Variants in FAXDC2 observed in about 807,000 individuals in gnomAD.
FAXDC2 encodes fatty acid hydroxylase domain-containing protein 2.
In FAXDC2, 41 loss-of-function variants were observed where a neutral mutation model predicts 40.9. The ratio of observed to expected loss-of-function variants is 1.00; its 90% CI spans 0.78 to 1.30. The LOEUF (loss-of-function observed/expected upper bound fraction) is 1.30, where lower values mean the gene tolerates loss of function less well. Among genes scored for constraint, FAXDC2 ranks in the 50% most tolerant of loss-of-function variants. FAXDC2 has a pLI of 0.00. For synonymous variants in FAXDC2, 157 were observed against 149.3 expected (o/e 1.05, Z -0.38); for missense variants, 390 against 408.8 (o/e 0.95, Z 0.40).
At position 154,834,742 on chromosome 5, in the gene FAXDC2, C is replaced by A. The variant is rs377184294; in HGVS notation, c.141-14G>T. ...CTCTGAAGATGCCTTGGAAAAAAAA[C>A]CAGGTTTCTGGGTGAAGACTAGTGG... On this transcript the variant is annotated splice_polypyrimidine_tract_variant and intron_variant, in intron 3 of 8. Coordinates refer to ENST00000326080, the MANE Select transcript of FAXDC2 (RefSeq NM_032385.5). The A allele has an allele frequency of 2.3e-5, 37 of 1,611,778 alleles. No individual in the cohort carries two copies. Among genetic ancestry groups the A allele is most frequent in the African/African-American group, 4.0e-5 (3 of 74,842 alleles).
In FAXDC2 at chr5:154,819,074, T is replaced by G. The variant is rs1295626642; in HGVS notation, c.*1242A>C. 1 of 152,244 alleles carries G rather than the reference T, an allele frequency of 6.6e-6. No individual in the cohort carries two copies. Among genetic ancestry groups the G allele is most frequent in the African/African-American group, 2.4e-5 (1 of 41,456 alleles). 9.4% of individuals were successfully genotyped at this position (152,244 alleles called of 1,614,324 possible). A position where few individuals can be genotyped will look rare whatever the true frequency, so the allele number is the denominator to read the frequency against. On this transcript the variant is annotated 3_prime_UTR_variant, in exon 9 of 9. Coordinates refer to ENST00000326080, the MANE Select transcript of FAXDC2 (RefSeq NM_032385.5). ...ATTTTGATAGTCCTGCCTGGAGACT[T>G]GGACCTAGCTGATACTAAGGTATTT...
chr5:154,820,585 C>T (rs763745932), intron 8 of FAXDC2, 113 bp from the exon 9 acceptor site: 18 of 803,454 alleles, frequency 2.2e-5, no homozygotes, highest in Middle Eastern at 2.5e-4. Context: ...ACACCTGTCA[C>T]CACCATCCTG....
intron 1 of FAXDC2, among the ~76,000 whole-genome samples, chr5:154,842,479 C>G (rs1422931786): frequency 7.0e-6 from 1 of 142,574 alleles, no homozygotes; most frequent in Non-Finnish European, 1.5e-5. Context: ...GCTGGGATTA[C>G]AGGCGTGAGC....
chr5:154,821,116 G>C, intron 8 of FAXDC2, 144 bp downstream of exon 8: 1 of 721,496 alleles, frequency 1.4e-6, no homozygotes, highest in Non-Finnish European at 2.4e-6. Flanking sequence ...GGTCATCCCA[G>C]TGTGGTTATT....
Position 154,830,784 on chromosome 5 carries a change from G to A in FAXDC2, c.366+17C>T. On this transcript the variant is annotated intron_variant, in intron 5 of 8. Coordinates refer to ENST00000326080, the MANE Select transcript of FAXDC2 (RefSeq NM_032385.5). The stretch of plus-strand genomic sequence containing the variant: ...CTTGCTTTCTGTGCTTTGACCAGAA[G>A]TTGCAACAACACTTACAGGTTCATT... The A allele has an allele frequency of 1.2e-6, 2 of 1,613,730 alleles. No homozygotes were observed. Among genetic ancestry groups the A allele is most frequent in the Non-Finnish European group, 1.7e-6 (2 of 1,179,660 alleles).
In FAXDC2 at chr5:154,824,453, G is replaced by C. The variant is rs1404825212; in HGVS notation, c.367-861C>G. The C allele has an allele frequency of 4.3e-6, 3 of 702,220 alleles. No homozygotes were observed. In the African/African-American group the frequency reaches 5.2e-5, roughly 12 times the overall value. The allele number at this position is 702,220 out of a possible 1,614,324, so 43.5% of individuals were successfully genotyped here. A position where few individuals can be genotyped will look rare whatever the true frequency, so the allele number is the denominator to read the frequency against. On this transcript the variant is annotated intron_variant, in intron 5 of 8. Transcript: ENST00000326080. ...AGGTTCAGAATGGTCCCCAGCTTGA[G>C]GCCTGCCTCTTCCTCCAGCCTTTCC...
rs1393712052 is a variant in FAXDC2, at chr5:154,826,356, C to T, written c.367-2764G>A. Among the ~76,000 whole-genome samples, 5 of 151,896 alleles carry T rather than the reference C, an allele frequency of 3.3e-5. No individual in the cohort carries two copies. The East Asian group carries it at 7.8e-4, about 24-fold the overall frequency. ...CAGCCTGGGCATCTTGGTGAAACCC[C>T]GTCTCTACTAAAAATACAAAAAATT... On this transcript the variant is annotated intron_variant, in intron 5 of 8. Transcript: ENST00000326080.
At chr5:154,835,783 G>T (rs1278900108) in intron 2 of FAXDC2, among the ~76,000 whole-genome samples, 1 of 149,430 alleles carries the variant, frequency 6.7e-6, no homozygotes, top group South Asian at 2.1e-4. Flanking sequence ...GGGTTTCACT[G>T]TGTTAGCCAG....
intron 4 of FAXDC2, among the ~76,000 whole-genome samples, chr5:154,832,686 T>C (rs1760224144): frequency 6.6e-6 from 1 of 152,194 alleles, no homozygotes; most frequent in South Asian, 2.1e-4. Context: ...CACTTAAAAT[T>C]GGAAATATTT....
At chr5:154,823,335 G>T in intron 6 of FAXDC2, 52 bp downstream of exon 6, 1 of 1,546,998 alleles carries the variant, frequency 6.5e-7, no homozygotes, top group Non-Finnish European at 8.9e-7. Flanking sequence ...GTTGATCAGT[G>T]AGCCCTAGAC....
At chr5:154,849,307 A>G (rs915224963) in intron 1 of FAXDC2, among the ~76,000 whole-genome samples, 7 of 152,114 alleles carry the variant, frequency 4.6e-5, no homozygotes, top group African/African-American at 1.2e-4. Context: ...AAAACAGAAG[A>G]TGAAATGCAT....
chr5:154,828,065 G>A (rs1432535448), intron 5 of FAXDC2, among the ~76,000 whole-genome samples: 1 of 151,466 alleles, frequency 6.6e-6, no homozygotes, highest in Non-Finnish European at 1.5e-5. Context: ...GCTTGGGCTG[G>A]TCTCGAACTC....
intron 6 of FAXDC2, chr5:154,823,168 T>C (rs375237459): frequency 1.9e-6 from 1 of 536,364 alleles, no homozygotes; most frequent in East Asian, 3.3e-5. Context: ...CACACCACCA[T>C]GCCTGGCTAA....
intron 5 of FAXDC2, among the ~76,000 whole-genome samples, chr5:154,826,488 C>A (rs1251783461): frequency 2.9e-4 from 43 of 147,958 alleles, no homozygotes; most frequent in Non-Finnish European, 5.9e-5. Flanking sequence ...AAGATTGCGC[C>A]ATTGTACTCC....
At chr5:154,841,227 C>CA (rs1668117504) in intron 1 of FAXDC2, among the ~76,000 whole-genome samples, 1 of 152,172 alleles carries the variant, frequency 6.6e-6, no homozygotes, top group Non-Finnish European at 1.5e-5. Flanking sequence ...GCTCCCTTCC[C>CA]AAACATTGCT....
chr5:154,834,796 C>G (rs368485282), intron 3 of FAXDC2, 47 bp downstream of exon 3: 11 of 1,591,402 alleles, frequency 6.9e-6, no homozygotes, highest in Middle Eastern at 3.3e-4. Context: ...TATGCTCTGC[C>G]CCCGACCACC....
Position 154,823,510 on chromosome 5 carries a change from A to T in FAXDC2, c.449T>A (p.Leu150His), listed in dbSNP as rs752225001. Residue 150 changes from leucine to histidine, a missense_variant, in exon 6 of 9, where the codon CTC becomes CAC. Physicochemically the swap from Leu to His is moderately conservative, Grantham distance 99 (BLOSUM62 -3). Transcript: ENST00000326080. ...TCTCCACCATTTGAGGAAGGGATAG[A>T]GGAAGACCACCATGGGGAAAGATAT... Reference protein sequence around the residue: ...CMISFPMVVFLYPFLKWWRDP... With the variant: ...CMISFPMVVFHYPFLKWWRDP... The T allele has an allele frequency of 6.2e-7, 1 of 1,614,210 alleles. No individual in the cohort carries two copies. The highest frequency in any genetic ancestry group is 1.1e-5 in the South Asian group (1 of 91,088).
At chr5:154,823,269 C>T (rs1420709517) in intron 6 of FAXDC2, 118 bp downstream of exon 6, 1 of 897,790 alleles carries the variant, frequency 1.1e-6, no homozygotes, top group East Asian at 2.6e-5. Flanking sequence ...CCACCTCAGC[C>T]TCCCAAATTG....
At chr5:154,836,145 G>GC (rs931966000) in intron 2 of FAXDC2, 1 of 152,024 alleles carries the variant, frequency 6.6e-6, no homozygotes, top group Non-Finnish European at 1.5e-5. Context: ...CAATTCACCT[G>GC]CCCCATCCTC....
Sources: allele counts gnomAD v4.1 joint callset (sites outside exome capture counted in the v4.1 genomes callset), GRCh38; gene constraint gnomAD v4.1.1; transcripts MANE v1.5; gene names NCBI Gene and HGNC (gene_info 2026-07-23, HGNC 2026-07-21).